Variants in ASIC2 observed in about 807,000 individuals in gnomAD.
ASIC2 encodes acid sensing ion channel subunit 2.
A neutral mutation model predicts 57.3 loss-of-function variants in ASIC2; 25 were observed. The observed-to-expected ratio is 0.44, with a 90% CI of 0.32 to 0.61. The LOEUF (loss-of-function observed/expected upper bound fraction) is 0.61. Ranked by LOEUF, ASIC2 falls within the 20% of genes least tolerant of loss-of-function variation. The pLI, the probability that ASIC2 is intolerant of heterozygous loss-of-function variation, is 0.06. For synonymous variants in ASIC2, 319 were observed against 307.5 expected (o/e 1.04, Z -0.39); for missense variants, 641 against 738.1 (o/e 0.87, Z 1.52).
At chr17:33,160,894 G>A (rs528753114) in intron 1 of ASIC2, among the ~76,000 whole-genome samples, 5 of 152,322 alleles carry the variant, frequency 3.3e-5, no homozygotes, top group African/African-American at 1.2e-4. Flanking sequence ...TGTGCTTAGG[G>A]TGGACAACTG....
At chr17:33,624,647 G>C (rs1401025253) in intron 1 of ASIC2, among the ~76,000 whole-genome samples, 1 of 152,194 alleles carries the variant, frequency 6.6e-6, no homozygotes, top group Non-Finnish European at 1.5e-5. Flanking sequence ...CTGCCAAGTA[G>C]TTGTTTGATC....
intron 1 of ASIC2, among the ~76,000 whole-genome samples, chr17:34,113,246 A>T (rs1911329441): frequency 6.6e-6 from 1 of 152,126 alleles, no homozygotes; most frequent in African/African-American, 2.4e-5. Flanking sequence ...TGGAGAGAGA[A>T]TATTATTGAG....
rs138815683 is a variant in ASIC2, at chr17:33,540,195, G to T, written c.556-428128C>A. Among the ~76,000 whole-genome samples, 7 of 152,304 alleles carry T rather than the reference G, an allele frequency of 4.6e-5. No homozygotes were observed. The East Asian group carries it at 1.2e-3, about 25-fold the overall frequency. On this transcript the variant is annotated intron_variant, in intron 1 of 9. Transcript: ENST00000359872. ...GGTAGCTCCAGGTGTTCCTTGGGTT[G>T]TGGATGTCATTTTCTGTGTATCTTC...
chr17:33,298,438 T>C (rs990472416), intron 1 of ASIC2, among the ~76,000 whole-genome samples: 28 of 152,226 alleles, frequency 1.8e-4, no homozygotes, highest in African/African-American at 6.5e-4. Context: ...CATCATTTTT[T>C]ATGGCTGCAT....
At chr17:34,079,774 T>C (rs1567812473) in intron 1 of ASIC2, among the ~76,000 whole-genome samples, 1 of 152,182 alleles carries the variant, frequency 6.6e-6, no homozygotes, top group Non-Finnish European at 1.5e-5. Context: ...TGAATTGTCA[T>C]AAGGGGATTT....
chr17:33,875,735 G>A (rs1295712053), intron 1 of ASIC2, among the ~76,000 whole-genome samples: 3 of 152,072 alleles, frequency 2.0e-5, no homozygotes, highest in East Asian at 1.9e-4. Context: ...ACTCTTGGCT[G>A]TCTCATTTCA....
At chr17:33,074,222 T>C (rs1396970091) in intron 3 of ASIC2, among the ~76,000 whole-genome samples, 1 of 152,220 alleles carries the variant, frequency 6.6e-6, no homozygotes, top group Non-Finnish European at 1.5e-5. Context: ...GTTTTTCTAT[T>C]TTTGTTTCCT....
intron 1 of ASIC2, among the ~76,000 whole-genome samples, chr17:33,412,393 A>T (rs1008909707): frequency 3.3e-5 from 5 of 152,176 alleles, no homozygotes; most frequent in African/African-American, 1.2e-4. Flanking sequence ...GTGCTGACTT[A>T]CTGTGAGACT....
intron 1 of ASIC2, among the ~76,000 whole-genome samples, chr17:33,919,217 T>C (rs141362427): frequency 1.9e-4 from 29 of 152,240 alleles, no homozygotes; most frequent in African/African-American, 7.0e-4. Flanking sequence ...TGGGTGGTCC[T>C]GGAAAGGTGT....
At chr17:33,327,841 A>G (rs1366052252) in intron 1 of ASIC2, among the ~76,000 whole-genome samples, 1 of 152,168 alleles carries the variant, frequency 6.6e-6, no homozygotes, top group Non-Finnish European at 1.5e-5. Flanking sequence ...ATAAAGTCAT[A>G]CTGGATTAGG....
intron 1 of ASIC2, among the ~76,000 whole-genome samples, chr17:33,169,066 T>C (rs1905409195): frequency 6.6e-6 from 1 of 152,186 alleles, no homozygotes; most frequent in South Asian, 2.1e-4. Flanking sequence ...GCGCTGTCCA[T>C]GGGTTCACTG....
intron 1 of ASIC2, among the ~76,000 whole-genome samples, chr17:33,327,245 T>G (rs1348837970): frequency 6.6e-6 from 1 of 152,302 alleles, no homozygotes; most frequent in East Asian, 1.9e-4. Flanking sequence ...CCCACTCAAG[T>G]CTTGCCTTCT....
intron 1 of ASIC2, among the ~76,000 whole-genome samples, chr17:34,062,049 A>C (rs1908989064): frequency 6.6e-6 from 1 of 152,210 alleles, no homozygotes; most frequent in Non-Finnish European, 1.5e-5. Context: ...CGAACATTTC[A>C]TCCAACAACC....
intron 1 of ASIC2, among the ~76,000 whole-genome samples, chr17:33,120,784 T>C (rs777969320): frequency 2.0e-5 from 3 of 152,208 alleles, no homozygotes; most frequent in Non-Finnish European, 4.4e-5. Flanking sequence ...GTCTGTCTCC[T>C]GTAGATAGTA....
At chr17:33,433,827 C>T (rs762339129) in intron 1 of ASIC2, among the ~76,000 whole-genome samples, 4 of 150,852 alleles carry the variant, frequency 2.7e-5, no homozygotes, top group Admixed American at 6.7e-5. Flanking sequence ...CTCCATGACA[C>T]AAGTTTACCC....
chr17:33,827,698 A>AT lies in ASIC2; in HGVS notation c.555+328279dup, dbSNP rs200806870. 269 of 150,436 alleles carry AT rather than the reference A, an allele frequency of 1.8e-3. 1 individual carries two copies. The highest frequency in any genetic ancestry group is 5.4e-3 in the Admixed American group (81 of 15,072). 9.3% of individuals were successfully genotyped at this position (150,436 alleles called of 1,614,324 possible). A position where few individuals can be genotyped will look rare whatever the true frequency, so the allele number is the denominator to read the frequency against. ...CCACCAAACAACAACTTACTACAGT[A>AT]TTTTTTTTTCCTTTTCTTTTTTCTT... is the stretch of plus-strand genomic sequence containing the variant. On this transcript the variant is annotated intron_variant, in intron 1 of 9. Transcript: ENST00000359872.
chr17:33,358,147 C>T (rs1164680742), intron 1 of ASIC2, among the ~76,000 whole-genome samples: 3 of 152,042 alleles, frequency 2.0e-5, no homozygotes, highest in Non-Finnish European at 4.4e-5. Flanking sequence ...TTTGGTTCAA[C>T]AAAAAAATCA....
At chr17:33,138,754 C>T (rs150110787) in intron 1 of ASIC2, among the ~76,000 whole-genome samples, 3 of 83,008 alleles carry the variant, frequency 3.6e-5, no homozygotes, top group Non-Finnish European at 7.1e-5. Context: ...CAAGTTTTTC[C>T]AGGCAATGTG....
chr17:33,345,314 G>A (rs1357108535), intron 1 of ASIC2, among the ~76,000 whole-genome samples: 2 of 152,238 alleles, frequency 1.3e-5, no homozygotes, highest in South Asian at 2.1e-4. Flanking sequence ...GGTATGATTC[G>A]AGGCACTGAG....
Sources: gnomAD v4.1 joint callset for allele counts (sites outside exome capture counted in the v4.1 genomes callset) on GRCh38, gnomAD v4.1.1 for gene constraint, MANE v1.5 for transcripts, NCBI Gene and HGNC (gene_info 2026-07-23, HGNC 2026-07-21) for gene names.